Variants in IMMP1L observed in about 807,000 individuals in gnomAD.
IMMP1L encodes the protein inner mitochondrial membrane peptidase subunit 1.
Under a neutral mutation model 21.8 loss-of-function variants are expected in IMMP1L, and 24 were observed. The observed-to-expected ratio is 1.10, with a 90% CI of 0.80 to 1.55. The LOEUF is 1.55. IMMP1L is among the 40% of genes most tolerant of loss of function. The pLI, the probability that IMMP1L is intolerant of heterozygous loss-of-function variation, is 0.00. For missense variants in IMMP1L, 195 were observed against 200.7 expected, an observed-to-expected ratio of 0.97 and a Z score of 0.17; for synonymous variants, 46 against 62.8, an observed-to-expected ratio of 0.73 and a Z score of 1.26.
intron 1 of IMMP1L, among the ~76,000 whole-genome samples, chr11:31,476,327 T>C (rs1488548708): frequency 2.0e-5 from 3 of 152,036 alleles, no homozygotes; most frequent in Non-Finnish European, 4.4e-5. Flanking sequence ...TGGTAAAAGT[T>C]TGGAAATACA....
intron 1 of IMMP1L, among the ~76,000 whole-genome samples, chr11:31,478,645 A>G (rs1300557330): frequency 2.6e-5 from 4 of 152,168 alleles, no homozygotes; most frequent in Non-Finnish European, 4.4e-5. Context: ...ACTAAAAATG[A>G]TATTACATAA....
At chr11:31,481,062 T>C (rs1954878009) in intron 1 of IMMP1L, among the ~76,000 whole-genome samples, 1 of 152,122 alleles carries the variant, frequency 6.6e-6, no homozygotes, top group Non-Finnish European at 1.5e-5. Context: ...GCGTTCCATA[T>C]GATAACACAC....
intron 1 of IMMP1L, among the ~76,000 whole-genome samples, chr11:31,475,855 A>C (rs567489314): frequency 6.6e-6 from 1 of 152,190 alleles, no homozygotes; most frequent in Non-Finnish European, 1.5e-5. Flanking sequence ...CTCTAAACAA[A>C]TAAGAGTGAC....
At chr11:31,501,923 A>T (rs941502001) in intron 1 of IMMP1L, among the ~76,000 whole-genome samples, 3 of 152,076 alleles carry the variant, frequency 2.0e-5, no homozygotes, top group Non-Finnish European at 4.4e-5. Flanking sequence ...GGTTACAGTG[A>T]GCCAAGATCA....
intron 1 of IMMP1L, among the ~76,000 whole-genome samples, chr11:31,509,245 A>C (rs1351935655): frequency 6.6e-6 from 1 of 152,214 alleles, no homozygotes; most frequent in Non-Finnish European, 1.5e-5. Flanking sequence ...CTAAGCCCAG[A>C]CGCTCAGCAA....
chr11:31,447,097 C>T (rs560908827), intron 4 of IMMP1L, among the ~76,000 whole-genome samples: 4 of 152,168 alleles, frequency 2.6e-5, no homozygotes, highest in Non-Finnish European at 5.9e-5. Flanking sequence ...AAGATGACTA[C>T]CCTAACGTGT....
chr11:31,463,261 G>C lies in IMMP1L; in HGVS notation c.16C>G (p.Leu6Val), dbSNP rs1159400962. Residue 6 changes from leucine to valine, a missense_variant, in exon 2 of 6, where the codon CTG (leucine) becomes GTG (valine). Transcript: ENST00000532287. ...CCAACAAGTCGAAAGGTTTTCCCCA[G>C]AACACCACGAAGCATAGTTCTATGT... is the stretch of plus-strand genomic sequence containing the variant. MLRGV[L>V]GKTFRLVGYT... The C allele has an allele frequency of 3.1e-6, 5 of 1,611,888 alleles. No individual in the cohort carries two copies. Among genetic ancestry groups the C allele is most frequent in the Non-Finnish European group, 4.2e-6 (5 of 1,179,130 alleles).
At chr11:31,496,939 A>G (rs986506392) in intron 1 of IMMP1L, among the ~76,000 whole-genome samples, 1 of 148,102 alleles carries the variant, frequency 6.8e-6, no homozygotes, top group African/African-American at 2.5e-5. Flanking sequence ...ACAATGATAT[A>G]TCATCTATTA....
chr11:31,439,016 T>A (rs531206060), intron 4 of IMMP1L, among the ~76,000 whole-genome samples: 1 of 149,476 alleles, frequency 6.7e-6, no homozygotes, highest in Non-Finnish European at 1.5e-5. Context: ...TTGCTGTTTT[T>A]TATAATAGAT....
At chr11:31,493,837 C>A (rs1055764727) in intron 1 of IMMP1L, among the ~76,000 whole-genome samples, 1 of 152,196 alleles carries the variant, frequency 6.6e-6, no homozygotes, top group African/African-American at 2.4e-5. Context: ...AGTCTTCAAA[C>A]CTTAATGTTC....
intron 1 of IMMP1L, among the ~76,000 whole-genome samples, chr11:31,498,095 A>T: frequency 6.6e-6 from 1 of 152,334 alleles, no homozygotes; most frequent in South Asian, 2.1e-4. Flanking sequence ...GGAAATGTTA[A>T]TAGAAAAAAC....
intron 3 of IMMP1L, among the ~76,000 whole-genome samples, chr11:31,458,099 C>T (rs1321402422): frequency 6.6e-6 from 1 of 152,030 alleles, no homozygotes; most frequent in Non-Finnish European, 1.5e-5. Context: ...ATCAATATGA[C>T]CCTTAAAACA....
chr11:31,433,067 G>A (rs538114585), intron 5 of IMMP1L, among the ~76,000 whole-genome samples: 133 of 152,314 alleles, frequency 8.7e-4, no homozygotes, highest in African/African-American at 3.1e-3. Flanking sequence ...CAATAAGTCT[G>A]TGACTCACAG....
At chr11:31,482,943 G>T (rs761812252) in intron 1 of IMMP1L, among the ~76,000 whole-genome samples, 1 of 151,912 alleles carries the variant, frequency 6.6e-6, no homozygotes, top group African/African-American at 2.4e-5. Flanking sequence ...TCCACTAACA[G>T]TAGAATGGAT....
At chr11:31,441,217 C>T (rs1480089049) in intron 4 of IMMP1L, among the ~76,000 whole-genome samples, 1 of 151,766 alleles carries the variant, frequency 6.6e-6, no homozygotes, top group Non-Finnish European at 1.5e-5. Context: ...ATACAAACTG[C>T]TTAACCCTTT....
At chr11:31,440,638 G>A (rs1020997451) in intron 4 of IMMP1L, among the ~76,000 whole-genome samples, 1 of 152,256 alleles carries the variant, frequency 6.6e-6, no homozygotes, top group Admixed American at 6.5e-5. Context: ...TGATCTGCCC[G>A]CCTCGGCCTC....
intron 1 of IMMP1L, among the ~76,000 whole-genome samples, chr11:31,502,700 G>C (rs768405535): frequency 6.6e-6 from 1 of 152,194 alleles, no homozygotes; most frequent in African/African-American, 2.4e-5. Flanking sequence ...TTATGTCTAT[G>C]AGACTCTGGT....
intron 4 of IMMP1L, among the ~76,000 whole-genome samples, chr11:31,446,974 G>T (rs922984548): frequency 6.6e-6 from 1 of 152,126 alleles, no homozygotes; most frequent in African/African-American, 2.4e-5. Flanking sequence ...AGACACACTA[G>T]CCATGCTTCA....
At position 31,439,951 on chromosome 11, in the gene IMMP1L, C is replaced by T. The variant is rs77117074; in HGVS notation, c.322-6381G>A. ...ACAGCTCCCCAGCAGTCATTCATTC[C>T]TCAGTCTCTTTAAGTTTCACCATAA... On this transcript the variant is annotated intron_variant, in intron 4 of 5. Transcript: ENST00000532287. Among the ~76,000 whole-genome samples, 417 of 152,268 alleles carry T rather than the reference C, an allele frequency of 2.7e-3. 5 individuals carry two copies. Among genetic ancestry groups the T allele is most frequent in the African/African-American group, 9.6e-3 (399 of 41,552 alleles).
Sources: allele counts gnomAD v4.1 joint callset (sites outside exome capture counted in the v4.1 genomes callset), GRCh38; gene constraint gnomAD v4.1.1; transcripts MANE v1.5; gene names NCBI Gene and HGNC (gene_info 2026-07-23, HGNC 2026-07-21).